Variants in COL20A1 observed in about 807,000 individuals in gnomAD.
COL20A1 encodes the protein collagen type XX alpha 1 chain, also known as collagen alpha-1(XX) chain.
COL20A1 carries 164 observed loss-of-function variants against 152.9 expected under a neutral mutation model. The ratio of observed to expected loss-of-function variants is 1.07; its 90% CI spans 0.94 to 1.22. COL20A1 has a LOEUF of 1.22. Among genes scored for constraint, COL20A1 ranks in the 50% most tolerant of loss-of-function variants. The pLI, the probability that COL20A1 is intolerant of heterozygous loss-of-function variation, is 0.00. For missense variants in COL20A1, 1,873 were observed against 1,744.8 expected, an observed-to-expected ratio of 1.07 and a Z score of -1.31; for synonymous variants, 864 against 756.0, an observed-to-expected ratio of 1.14 and a Z score of -2.34.
Position 63,308,078 on chromosome 20 carries a change from A to G in COL20A1, c.763A>G (p.Asn255Asp). The G allele has an allele frequency of 1.9e-6, 3 of 1,609,534 alleles. No individual in the cohort carries two copies. Among genetic ancestry groups the G allele is most frequent in the Non-Finnish European group, 1.7e-6 (2 of 1,179,672 alleles). Reference sequence around the variant, plus strand: ...GCGCCGCCTCCGCTACAAGGGGGGGAACACGTTCACAGGTACGGCCCAGGC... The same window carrying G: ...GCGCCGCCTCCGCTACAAGGGGGGGGACACGTTCACAGGTACGGCCCAGGC... ...AVRRLRYKGG[N>D]TFTGLALTHV... Residue 255 changes from asparagine (N) to aspartate (D), a missense_variant, in exon 7 of 36, where the codon AAC becomes GAC. Coordinates refer to ENST00000358894, the MANE Select transcript of COL20A1 (RefSeq NM_020882.4).
Position 63,313,795 on chromosome 20 carries a change from C to A in COL20A1, c.2262C>A (p.Pro754=). 6.2e-7 allele frequency: 1 copy of A among 1,610,440 alleles called. No individual in the cohort carries two copies. The change falls in exon 18 of 36, where the codon CCC becomes CCA. Residue 754 remains proline (P), a synonymous_variant. Transcript: ENST00000358894. This position sits in a 1 kb window ranked among gnomAD's most constrained non-coding sequence, Gnocchi z 5.9. ...PSNLALASET[P]DSLQVSWTPP... ...ACCTGGCCCTGGCCTCGGAGACCCC[C>A]GACAGCCTGCAGGTCAGCTGGACGC...
intron 1 of COL20A1, 74 bp from the exon 2 acceptor site, chr20:63,295,024 A>C: frequency 2.1e-6 from 2 of 949,146 alleles, no homozygotes; most frequent in Non-Finnish European, 3.2e-6. Context: ...GGATTTGGAG[A>C]AGCTCTGGCG....
Position 63,308,540 on chromosome 20 carries a change from A to T in COL20A1, c.776-2A>T. ...TGTCACTTTATTCCTGCTGCTCCCA[A>T]GGCCTTGCCCTGACCCACGTGCTGG... On this transcript the variant is annotated splice_acceptor_variant, in intron 7 of 35. Coordinates refer to ENST00000358894, the MANE Select transcript of COL20A1 (RefSeq NM_020882.4). LOFTEE classifies it high-confidence loss of function. 1 of 1,585,754 alleles carries T rather than the reference A, an allele frequency of 6.3e-7. No homozygotes were observed. Among genetic ancestry groups the T allele is most frequent in the Admixed American group, 1.8e-5 (1 of 55,748 alleles).
chr20:63,314,784 G>T (rs189613619), intron 19 of COL20A1, among the ~76,000 whole-genome samples: 18 of 146,958 alleles, frequency 1.2e-4, no homozygotes, highest in Non-Finnish European at 2.1e-4. Flanking sequence ...CAGCCTGCCC[G>T]CACACCAGGC....
In COL20A1 at chr20:63,320,810, C is replaced by G. The variant is rs531416490; in HGVS notation, c.3154-203C>G. Among the ~76,000 whole-genome samples, 4 of 152,262 alleles carry G rather than the reference C, an allele frequency of 2.6e-5. No individual in the cohort carries two copies. In the South Asian group the frequency reaches 8.3e-4, roughly 32 times the overall value. On this transcript the variant is annotated intron_variant, in intron 25 of 35. Coordinates refer to ENST00000358894, the MANE Select transcript of COL20A1 (RefSeq NM_020882.4). ...AGCGTGGCAGGGTGGGAACCCAGGG[C>G]CGGCTGGACACACAGGGGCTCAGTG... is the stretch of plus-strand genomic sequence containing the variant.
At chr20:63,310,297 C>T in intron 10 of COL20A1, 84 bp from the exon 11 acceptor site, 15 of 1,480,126 alleles carry the variant, frequency 1.0e-5, no homozygotes. Context: ...GCTGAGCTCA[C>T]ACTCCAGCTG....
intron 28 of COL20A1, 42 bp from the exon 29 acceptor site, chr20:63,325,626 G>A (rs2068234662): frequency 2.5e-6 from 4 of 1,591,196 alleles, no homozygotes; most frequent in Non-Finnish European, 3.4e-6. Flanking sequence ...CTCTGGATGT[G>A]ACCCTGGCCC....
intron 20 of COL20A1, 92 bp downstream of exon 20, chr20:63,315,531 C>A (rs1455639870): frequency 8.5e-7 from 1 of 1,172,224 alleles, no homozygotes; most frequent in African/African-American, 1.5e-5. Context: ...ACCTGGGACC[C>A]AGTGGTGGTG....
intron 28 of COL20A1, 51 bp from the exon 29 acceptor site, chr20:63,325,617 T>G: frequency 6.3e-7 from 1 of 1,582,780 alleles, no homozygotes; most frequent in Non-Finnish European, 8.6e-7. Context: ...CAGGGCCACC[T>G]CTGGATGTGA....
At position 63,319,304 on chromosome 20, in the gene COL20A1, C is replaced by T; in HGVS notation, c.2806+104C>T. 6.3e-6 allele frequency: 8 copies of T among 1,266,854 alleles called. No homozygotes were observed. Among genetic ancestry groups the T allele is most frequent in the Non-Finnish European group, 8.7e-6 (8 of 920,416 alleles). The allele number at this position is 1,266,854 out of a possible 1,614,324, so 78.5% of individuals were successfully genotyped here. A position where few individuals can be genotyped will look rare whatever the true frequency, so the allele number is the denominator to read the frequency against. On this transcript the variant is annotated intron_variant, in intron 22 of 35. Transcript: ENST00000358894. The surrounding 1 kb of genome is among the most constrained non-coding windows in gnomAD (Gnocchi z 4.4). Reference sequence around the variant, plus strand: ...GAGGAAGTCCAGCCTCCAGGCCAGGCCCTCAGCACCCTCTGGGTGGGAGGC... The same window carrying T: ...GAGGAAGTCCAGCCTCCAGGCCAGGTCCTCAGCACCCTCTGGGTGGGAGGC...
At chr20:63,295,611 C>A (rs1256698098) in intron 2 of COL20A1, among the ~76,000 whole-genome samples, 1 of 152,160 alleles carries the variant, frequency 6.6e-6, no homozygotes, top group African/African-American at 2.4e-5. Context: ...CGCAGCACCA[C>A]CCCCTCCGTG....
intron 21 of COL20A1, among the ~76,000 whole-genome samples, chr20:63,317,721 C>T (rs977518995): frequency 2.6e-5 from 4 of 151,950 alleles, no homozygotes; most frequent in South Asian, 4.1e-4. Flanking sequence ...TCCTCTCCCT[C>T]CCCCCAGTCT....
At chr20:63,307,457 C>T (rs749769038) in intron 5 of COL20A1, 33 bp from the exon 6 acceptor site, 14 of 1,595,208 alleles carry the variant, frequency 8.8e-6, no homozygotes, top group African/African-American at 8.0e-5. Context: ...GGATGGGCCT[C>T]ACCTAGCACC....
chr20:63,318,166 C>T (rs1360956363), intron 21 of COL20A1, among the ~76,000 whole-genome samples: 1 of 152,158 alleles, frequency 6.6e-6, no homozygotes, highest in African/African-American at 2.4e-5. Context: ...GAAGTGGGGG[C>T]AGATGGTTCT....
At position 63,329,963 on chromosome 20, in the gene COL20A1, G is replaced by A. The variant is rs111601765; in HGVS notation, c.*3+302G>A. On this transcript the variant is annotated intron_variant, in intron 35 of 35. Transcript: ENST00000358894. The stretch of plus-strand genomic sequence containing the variant: ...TGCACCTCGTGGGATGCAGAGTTGC[G>A]TGCTGGGGCGGAGGAGGCCCTGACC... Among the ~76,000 whole-genome samples the A allele has an allele frequency of 4.4e-4, 67 of 152,300 alleles. 1 individual carries two copies. Among genetic ancestry groups the A allele is most frequent in the African/African-American group, 1.5e-3 (62 of 41,566 alleles).
intron 35 of COL20A1, among the ~76,000 whole-genome samples, chr20:63,330,071 C>A (rs1311286522): frequency 1.3e-5 from 2 of 151,964 alleles, no homozygotes; most frequent in South Asian, 4.2e-4. Context: ...TCACAGGAGT[C>A]CCAGGAGGGG....
At chr20:63,321,580 C>G (rs542613082) in intron 26 of COL20A1, among the ~76,000 whole-genome samples, 1 of 152,338 alleles carries the variant, frequency 6.6e-6, no homozygotes, top group South Asian at 2.1e-4. Context: ...TGGGTGCTGG[C>G]AGCCTAGCTC....
intron 11 of COL20A1, 100 bp downstream of exon 11, chr20:63,310,610 T>G: frequency 6.0e-6 from 8 of 1,325,620 alleles, no homozygotes; most frequent in Non-Finnish European, 8.2e-6. Context: ...CGAGCAGCTC[T>G]GGATCTTAAC....
chr20:63,326,513 G>A (rs2068251047), intron 30 of COL20A1, among the ~76,000 whole-genome samples: 1 of 151,518 alleles, frequency 6.6e-6, no homozygotes, highest in South Asian at 2.1e-4. Context: ...CACAGCTGGG[G>A]ACGTTTAGAG....
Sources: gnomAD v4.1 joint callset for allele counts (sites outside exome capture counted in the v4.1 genomes callset) on GRCh38, gnomAD v4.1.1 for gene constraint, Gnocchi (gnomAD v3.1) non-coding constraint, MANE v1.5 for transcripts, NCBI Gene and HGNC (gene_info 2026-07-23, HGNC 2026-07-21) for gene names.